The following BLOC1S5 variants were observed in gnomAD, a reference collection of about 807,000 sequenced individuals.
The protein encoded by BLOC1S5 is biogenesis of lysosome-related organelles complex 1 subunit 5.
In BLOC1S5, 27 loss-of-function variants were observed where a neutral mutation model predicts 24.3. The observed-to-expected ratio is 1.11, with a 90% CI of 0.82 to 1.53. The LOEUF (loss-of-function observed/expected upper bound fraction) is 1.53, where lower values mean the gene tolerates loss of function less well. Ranked by LOEUF, BLOC1S5 falls within the 40% of genes most tolerant of loss-of-function variation. BLOC1S5 has a pLI of 0.00. For synonymous variants in BLOC1S5, 84 were observed against 74.5 expected (o/e 1.13, Z -0.66); for missense variants, 239 against 229.4 (o/e 1.04, Z -0.27).
At chr6:8,041,655 C>CTTTCTTTCTTTTTTTTT (rs111955375) in intron 2 of BLOC1S5, among the ~76,000 whole-genome samples, 62 of 111,926 alleles carry the variant, frequency 5.5e-4, no homozygotes, top group South Asian at 1.9e-3. Context: ...TTCTTTCTTT[C>CTTTCTTTCTTTTTTTTT]TTTTTTTTTG....
intron 2 of BLOC1S5, among the ~76,000 whole-genome samples, chr6:8,058,514 CAAGT>C (rs139161607): frequency 0.024 from 3,646 of 151,964 alleles, 59 homozygotes; most frequent in Non-Finnish European, 0.037. Context: ...AAGACAAACA[CAAGT>C]AAGAACAGAG....
intron 4 of BLOC1S5, among the ~76,000 whole-genome samples, chr6:8,024,563 A>G (rs1212271937): frequency 1.3e-5 from 2 of 151,694 alleles, no homozygotes; most frequent in African/African-American, 4.8e-5. Flanking sequence ...AAATATTAAA[A>G]TATTCTTATT....
At chr6:8,019,738 C>T (rs756482881) in intron 4 of BLOC1S5, among the ~76,000 whole-genome samples, 8 of 152,232 alleles carry the variant, frequency 5.3e-5, no homozygotes, top group Non-Finnish European at 1.2e-4. Context: ...TTAAGTCATG[C>T]AAACGAAGAA....
At chr6:8,049,075 G>GA (rs919363643) in intron 2 of BLOC1S5, among the ~76,000 whole-genome samples, 1 of 138,536 alleles carries the variant, frequency 7.2e-6, no homozygotes, top group African/African-American at 2.7e-5. Flanking sequence ...GGGAGGGGAG[G>GA]GGGGAAAGAA....
At chr6:8,046,158 A>T (rs1763891084) in intron 2 of BLOC1S5, among the ~76,000 whole-genome samples, 1 of 152,196 alleles carries the variant, frequency 6.6e-6, no homozygotes, top group African/African-American at 2.4e-5. Context: ...ATGACAGTGA[A>T]TAAGTCTCAT....
intron 3 of BLOC1S5, among the ~76,000 whole-genome samples, chr6:8,040,243 G>C (rs1418545503): frequency 1.3e-5 from 2 of 152,118 alleles, no homozygotes; most frequent in Non-Finnish European, 2.9e-5. Context: ...TTTCTCAACT[G>C]TAAGGTGGGG....
At chr6:8,035,739 A>T (rs1021868746) in intron 3 of BLOC1S5, among the ~76,000 whole-genome samples, 2 of 152,230 alleles carry the variant, frequency 1.3e-5, no homozygotes, top group African/African-American at 4.8e-5. Context: ...AAGTACATAC[A>T]GGAAACATTA....
chr6:8,041,083 T>C (rs1763662823), intron 3 of BLOC1S5, 56 bp downstream of exon 3: 1 of 1,528,660 alleles, frequency 6.5e-7, no homozygotes, highest in South Asian at 1.2e-5. Flanking sequence ...GAAAATACAT[T>C]TTGGTGTAGC....
At chr6:8,043,300 CTA>C (rs1413079285) in intron 2 of BLOC1S5, among the ~76,000 whole-genome samples, 1 of 152,130 alleles carries the variant, frequency 6.6e-6, no homozygotes, top group Non-Finnish European at 1.5e-5. Flanking sequence ...CAACATGATA[CTA>C]GAGAAAACTA....
At chr6:8,033,141 T>G (rs1763362004) in intron 3 of BLOC1S5, among the ~76,000 whole-genome samples, 1 of 152,064 alleles carries the variant, frequency 6.6e-6, no homozygotes, top group African/African-American at 2.4e-5. Context: ...AAACTTCATA[T>G]GGAACCAAAA....
At chr6:8,030,360 A>G (rs1332192601) in intron 3 of BLOC1S5, among the ~76,000 whole-genome samples, 6 of 151,626 alleles carry the variant, frequency 4.0e-5, no homozygotes, top group Non-Finnish European at 8.8e-5. Flanking sequence ...GGGTTTTACC[A>G]TGTTGGTCAG....
chr6:8,046,921 C>T (rs1306012620), intron 2 of BLOC1S5, among the ~76,000 whole-genome samples: 1 of 150,994 alleles, frequency 6.6e-6, no homozygotes, highest in Non-Finnish European at 1.5e-5. Context: ...AGGACAGGTG[C>T]ACACCACCAC....
intron 4 of BLOC1S5, among the ~76,000 whole-genome samples, chr6:8,024,691 T>C (rs543760137): frequency 3.3e-5 from 5 of 152,230 alleles, no homozygotes; most frequent in African/African-American, 1.2e-4. Context: ...GCAGGGATCT[T>C]ACCCACACGG....
chr6:8,048,350 G>A (rs770984550), intron 2 of BLOC1S5, among the ~76,000 whole-genome samples: 5 of 152,194 alleles, frequency 3.3e-5, no homozygotes, highest in Non-Finnish European at 5.9e-5. Context: ...AATGGAATTC[G>A]GAGACTGAGC....
intron 3 of BLOC1S5, among the ~76,000 whole-genome samples, chr6:8,030,317 G>A (rs1470193015): frequency 2.0e-5 from 3 of 151,692 alleles, no homozygotes; most frequent in East Asian, 2.0e-4. Context: ...GCACCACCAC[G>A]CCCGGCTAAT....
chr6:8,055,622 C>T (rs1476697013), intron 2 of BLOC1S5, among the ~76,000 whole-genome samples: 1 of 152,142 alleles, frequency 6.6e-6, no homozygotes, highest in Non-Finnish European at 1.5e-5. Flanking sequence ...TGAGAATAGC[C>T]TTTTTAACTT....
chr6:8,060,743 AACTC>A (rs1764482225), intron 2 of BLOC1S5, among the ~76,000 whole-genome samples: 1 of 152,246 alleles, frequency 6.6e-6, no homozygotes, highest in African/African-American at 2.4e-5. Flanking sequence ...ATACATGTAA[AACTC>A]AATACAATTT....
chr6:8,052,259 G>A (rs12526626), intron 2 of BLOC1S5, among the ~76,000 whole-genome samples: 12 of 151,908 alleles, frequency 7.9e-5, no homozygotes, highest in Admixed American at 1.3e-4. Flanking sequence ...GAGCCACCGC[G>A]CCCGAGGTAC....
chr6:8,040,651 A>G (rs1259821255), intron 3 of BLOC1S5, among the ~76,000 whole-genome samples: 2 of 152,038 alleles, frequency 1.3e-5, no homozygotes, highest in Non-Finnish European at 2.9e-5. Flanking sequence ...GAGTCAAGAG[A>G]TCAAGACCAC....
Sources: gnomAD v4.1 joint callset for allele counts (sites outside exome capture counted in the v4.1 genomes callset) on GRCh38, gnomAD v4.1.1 for gene constraint, MANE v1.5 for transcripts, NCBI Gene and HGNC (gene_info 2026-07-23, HGNC 2026-07-21) for gene names.